The following CMC2 variants were observed in gnomAD, a reference collection of about 807,000 sequenced individuals.
CMC2 encodes the protein COX assembly mitochondrial protein 2 homolog.
In CMC2, 5 loss-of-function variants were observed where a neutral mutation model predicts 7.5. The observed-to-expected ratio is 0.66, with a 90% CI of 0.35 to 1.40. The LOEUF is 1.40. Among genes scored for constraint, CMC2 ranks in the 40% most tolerant of loss-of-function variants. The pLI is 0.04. For synonymous variants in CMC2, 37 were observed against 31.4 expected, an observed-to-expected ratio of 1.18 and a Z score of -0.60; for missense variants, 115 against 92.3, an observed-to-expected ratio of 1.25 and a Z score of -1.01.
At chr16:81,002,398 T>G (rs1968932980) in intron 1 of CMC2, among the ~76,000 whole-genome samples, 1 of 152,132 alleles carries the variant, frequency 6.6e-6, no homozygotes, top group South Asian at 2.1e-4. Flanking sequence ...GACCTCCAGC[T>G]TGGGTAACAG....
chr16:80,991,095 G>A, intron 2 of CMC2, among the ~76,000 whole-genome samples: 1 of 150,896 alleles, frequency 6.6e-6, no homozygotes, highest in East Asian at 2.0e-4. Flanking sequence ...GGAACAATTT[G>A]AGCAACAAAA....
At chr16:80,986,274 G>A (rs28532906) in intron 2 of CMC2, among the ~76,000 whole-genome samples, 18,122 of 151,964 alleles carry the variant, frequency 0.12, 1,594 homozygotes, top group African/African-American at 0.24. Flanking sequence ...CGCTTGAACC[G>A]GAGAGACGGA....
intron 2 of CMC2, among the ~76,000 whole-genome samples, chr16:80,985,834 T>C (rs1967477068): frequency 7.1e-6 from 1 of 140,718 alleles, no homozygotes; most frequent in Non-Finnish European, 1.5e-5. Flanking sequence ...CCAGGAGGAA[T>C]GCACTAAGCT....
intron 2 of CMC2, among the ~76,000 whole-genome samples, chr16:80,984,946 A>G (rs926330292): frequency 6.6e-6 from 1 of 152,240 alleles, no homozygotes; most frequent in African/African-American, 2.4e-5. Flanking sequence ...TTATACTTAC[A>G]TGGACTGAGT....
At chr16:80,990,169 ATTTTTTTCTG>A (rs1967862867) in intron 2 of CMC2, among the ~76,000 whole-genome samples, 1 of 150,680 alleles carries the variant, frequency 6.6e-6, no homozygotes, top group East Asian at 1.9e-4. Flanking sequence ...AAAACATATA[ATTTTTTTCTG>A]TTGTTTTTTG....
At chr16:81,001,590 G>A (rs1229617610) in intron 1 of CMC2, among the ~76,000 whole-genome samples, 2 of 152,078 alleles carry the variant, frequency 1.3e-5, no homozygotes, top group African/African-American at 2.4e-5. Context: ...CCACTGAACT[G>A]TGCATTTAAA....
intron 3 of CMC2, among the ~76,000 whole-genome samples, chr16:80,980,315 A>C (rs1967026762): frequency 8.8e-6 from 1 of 113,566 alleles, no homozygotes; most frequent in African/African-American, 3.5e-5. Flanking sequence ...AACACTAATA[A>C]GGCTGGGAAT....
At chr16:80,984,484 A>G (rs576981397) in intron 2 of CMC2, among the ~76,000 whole-genome samples, 3 of 152,346 alleles carry the variant, frequency 2.0e-5, no homozygotes, top group East Asian at 1.9e-4. Flanking sequence ...GTTTTTCCAG[A>G]AAGCATTTAA....
intron 2 of CMC2, among the ~76,000 whole-genome samples, chr16:80,985,178 G>C (rs957723714): frequency 6.6e-6 from 1 of 152,174 alleles, no homozygotes; most frequent in African/African-American, 2.4e-5. Flanking sequence ...GGTTCTCAAA[G>C]TGCAGTCCAG....
rs1052341524 is a variant in CMC2, at chr16:80,973,221, T to G, written c.*2872A>C. ...GAGAATGGGGCCGGCTTGGGATGAGTTCTAGAGGCCTGGCCCTTCCTTCTG... is the reference window on the plus strand; with the variant it reads ...GAGAATGGGGCCGGCTTGGGATGAGGTCTAGAGGCCTGGCCCTTCCTTCTG... On this transcript the variant is annotated 3_prime_UTR_variant, in exon 4 of 4. Transcript: ENST00000219400. The G allele has an allele frequency of 6.6e-6, 1 of 152,188 alleles. No homozygotes were observed. The highest frequency in any genetic ancestry group is 2.1e-4 in the South Asian group (1 of 4,824). The allele number at this position is 152,188 out of a possible 1,614,324, so 9.4% of individuals were successfully genotyped here. A position where few individuals can be genotyped will look rare whatever the true frequency, so the allele number is the denominator to read the frequency against.
In CMC2 at chr16:81,004,621, GT is replaced by G. The variant is rs367594375; in HGVS notation, c.-36+2112del. On this transcript the variant is annotated intron_variant, in intron 1 of 3. Coordinates refer to ENST00000219400, the MANE Select transcript of CMC2 (RefSeq NM_020188.5). ...CTTAAAATTTTCAGCTGTCAAATGT[GT>G]TTTGATAGCTAGCTAAGGGGCCCAT... 2.3e-3 allele frequency among the ~76,000 whole-genome samples: 348 copies of G among 152,358 alleles called. 5 individuals are homozygous for G. The highest frequency in any genetic ancestry group is 7.7e-3 in the African/African-American group (319 of 41,582).
intron 3 of CMC2, 23 bp from the exon 4 acceptor site, chr16:80,976,202 G>A (rs765409124): frequency 1.5e-6 from 2 of 1,351,582 alleles, no homozygotes; most frequent in South Asian, 1.2e-5. Flanking sequence ...AGAAGGGGGG[G>A]AGAAAAGAAA....
At chr16:80,980,767 C>T (rs1183480481) in intron 3 of CMC2, 5 of 689,142 alleles carry the variant, frequency 7.3e-6, no homozygotes, top group East Asian at 5.5e-5. Flanking sequence ...TGGTGGTACG[C>T]ACCTGTCGTC....
chr16:80,976,116 G>C lies in CMC2; in HGVS notation c.217C>G (p.Pro73Ala). 6.2e-7 allele frequency: 1 copy of C among 1,605,522 alleles called. No homozygotes were observed. Among genetic ancestry groups the C allele is most frequent in the South Asian group, 1.1e-5 (1 of 90,822 alleles). The change falls in exon 4 of 4, where the codon CCT becomes GCT. Residue 73 changes from proline (P) to alanine (A), a missense_variant. Transcript: ENST00000219400. The part of the protein sequence containing the change: ...GIAMRKKLFN[P>A]PEESEK ...ATTTATTTTTCGGATTCCTCTGGAG[G>C]ATTAAAAAGTTTCTTTCGCATTGCA...
chr16:80,978,064 C>A (rs969227940), intron 3 of CMC2, among the ~76,000 whole-genome samples: 1 of 112,326 alleles, frequency 8.9e-6, no homozygotes, highest in African/African-American at 3.6e-5. Context: ...AAGAGTGAGA[C>A]TTCGTCTCAA....
rs1014842279 is a variant in CMC2, at chr16:80,997,313, C to T, written c.81+1G>A. 3.6e-6 allele frequency: 3 copies of T among 827,290 alleles called. No individual in the cohort carries two copies. Among genetic ancestry groups the T allele is most frequent in the South Asian group, 1.3e-5 (1 of 76,196 alleles). 51.2% of individuals were successfully genotyped at this position (827,290 alleles called of 1,614,324 possible). On this transcript the variant is annotated splice_donor_variant, in intron 2 of 3. Transcript: ENST00000219400. LOFTEE classifies it high-confidence loss of function. ...GTACAGTCGTTTTTCTGAACTCTTA[C>T]ATTTTTGTGACATTCCTTAAGCAAG...
intron 2 of CMC2, among the ~76,000 whole-genome samples, chr16:80,987,413 C>CT (rs1344334013): frequency 1.3e-5 from 2 of 152,118 alleles, no homozygotes; most frequent in African/African-American, 4.8e-5. Flanking sequence ...TACTTTCCTA[C>CT]TTTTTTAACA....
intron 2 of CMC2, among the ~76,000 whole-genome samples, chr16:80,989,699 T>TAAC (rs35195025): frequency 1.3e-5 from 2 of 151,714 alleles, no homozygotes; most frequent in Non-Finnish European, 2.9e-5. Context: ...TAGACACACA[T>TAAC]TATCTATTCT....
intron 2 of CMC2, among the ~76,000 whole-genome samples, chr16:80,993,618 T>A (rs759921199): frequency 6.6e-6 from 1 of 152,186 alleles, no homozygotes; most frequent in African/African-American, 2.4e-5. Flanking sequence ...GGAGTCCTTA[T>A]AAGCCAAAGT....
Sources: gnomAD v4.1 joint callset for allele counts (sites outside exome capture counted in the v4.1 genomes callset) on GRCh38, gnomAD v4.1.1 for gene constraint, MANE v1.5 for transcripts, NCBI Gene and HGNC (gene_info 2026-07-23, HGNC 2026-07-21) for gene names.